Variants in SLC24A4 observed in about 807,000 individuals in gnomAD.
SLC24A4 encodes sodium/potassium/calcium exchanger 4.
A neutral mutation model predicts 79.0 loss-of-function variants in SLC24A4; 53 were observed. The ratio of observed to expected loss-of-function variants is 0.67; its 90% CI spans 0.54 to 0.84. SLC24A4 has a LOEUF of 0.84. Among genes scored for constraint, SLC24A4 ranks in the 40% least tolerant of loss-of-function variants. The pLI, the probability that SLC24A4 is intolerant of heterozygous loss-of-function variation, is 0.00. For missense variants in SLC24A4, 731 were observed against 822.0 expected, an observed-to-expected ratio of 0.89 and a Z score of 1.35; for synonymous variants, 323 against 323.8, an observed-to-expected ratio of 1.00 and a Z score of 0.03.
intron 2 of SLC24A4, among the ~76,000 whole-genome samples, chr14:92,384,974 G>A (rs1446069552): frequency 1.3e-5 from 2 of 152,216 alleles, no homozygotes; most frequent in African/African-American, 2.4e-5. Context: ...TCCTGTATCT[G>A]TAATGAAGGG....
chr14:92,421,504 A>AT (rs576716139), intron 2 of SLC24A4, among the ~76,000 whole-genome samples: 203 of 151,484 alleles, frequency 1.3e-3, no homozygotes, highest in Middle Eastern at 0.01. Context: ...ATACACCACG[A>AT]TTTTTTTGTT....
chr14:92,379,086 C>G (rs539392869), intron 2 of SLC24A4, among the ~76,000 whole-genome samples: 1 of 152,108 alleles, frequency 6.6e-6, no homozygotes, highest in African/African-American at 2.4e-5. Context: ...AGCTAGCTAG[C>G]TAGCTAGATA....
intron 2 of SLC24A4, among the ~76,000 whole-genome samples, chr14:92,332,048 G>A (rs1018832874): frequency 2.0e-5 from 3 of 152,138 alleles, no homozygotes; most frequent in Non-Finnish European, 4.4e-5. Flanking sequence ...AGAGGCTGAG[G>A]CAGGCAGATC....
At position 92,441,282 on chromosome 14, in the gene SLC24A4, C is replaced by T. The variant is rs1036683198; in HGVS notation, c.394-807C>T. On this transcript the variant is annotated intron_variant, in intron 4 of 16. Coordinates refer to ENST00000532405, the MANE Select transcript of SLC24A4 (RefSeq NM_153646.4). The surrounding 1 kb of genome is among the most constrained non-coding windows in gnomAD (Gnocchi z 4.6). ...TTTTCAGGCAGACCCTCAGTCTCCA[C>T]GGTTTCTCCAAACATCCAAAGCCTC... 3.3e-5 allele frequency among the ~76,000 whole-genome samples: 5 copies of T among 152,190 alleles called. No individual in the cohort carries two copies. Among genetic ancestry groups the T allele is most frequent in the African/African-American group, 1.2e-4 (5 of 41,434 alleles).
At chr14:92,422,125 G>A (rs1891318777) in intron 2 of SLC24A4, among the ~76,000 whole-genome samples, 1 of 152,226 alleles carries the variant, frequency 6.6e-6, no homozygotes, top group Admixed American at 6.5e-5. Flanking sequence ...CCCTGTAAGG[G>A]CAGGCACTTT....
intron 12 of SLC24A4, among the ~76,000 whole-genome samples, chr14:92,475,957 T>C (rs1360598523): frequency 3.9e-5 from 6 of 152,152 alleles, no homozygotes; most frequent in East Asian, 1.9e-4. Context: ...AAGCACTGTT[T>C]CTTAGGAAAC....
At chr14:92,482,106 G>T (rs919062584) in intron 12 of SLC24A4, among the ~76,000 whole-genome samples, 2 of 152,226 alleles carry the variant, frequency 1.3e-5, no homozygotes, top group African/African-American at 2.4e-5. Flanking sequence ...GGCCCCGTGT[G>T]CTGGGTGTTT....
rs528005769 is a variant in SLC24A4, at chr14:92,352,735, GT to G, written c.241+26760del. Among the ~76,000 whole-genome samples the G allele has an allele frequency of 1.6e-3, 246 of 152,332 alleles. 1 individual carries two copies. The highest frequency in any genetic ancestry group is 2.0e-3 in the Non-Finnish European group (135 of 68,034). ...GTGAGGGTGGTGGCTGATGTCGGAGGTTTGGTCCAGCTTAAATTAGAGCAAG... is the reference window on the plus strand; with the variant it reads ...GTGAGGGTGGTGGCTGATGTCGGAGGTTGGTCCAGCTTAAATTAGAGCAAG... On this transcript the variant is annotated intron_variant, in intron 2 of 16. Transcript: ENST00000532405.
At position 92,444,930 on chromosome 14, in the gene SLC24A4, CAT is replaced by C. The variant is rs1280084273; in HGVS notation, c.658-385_658-384del. Reference sequence around the variant, plus strand: ...CACACACACACCCTATATACACACACATACACACACACACACACACACACACA... The same window carrying C: ...CACACACACACCCTATATACACACACACACACACACACACACACACACACA... On this transcript the variant is annotated intron_variant, in intron 7 of 16. Transcript: ENST00000532405. Among the ~76,000 whole-genome samples, 31 of 70,268 alleles carry C rather than the reference CAT, an allele frequency of 4.4e-4. 1 individual carries two copies. The East Asian group carries it at 7.8e-3, about 18-fold the overall frequency. The allele number at this position is 70,268 out of a possible 152,430, so 46.1% of individuals were successfully genotyped here. A position where few individuals can be genotyped will look rare whatever the true frequency, so the allele number is the denominator to read the frequency against.
chr14:92,339,968 C>A (rs571135970), intron 2 of SLC24A4, among the ~76,000 whole-genome samples: 6 of 152,330 alleles, frequency 3.9e-5, no homozygotes, highest in Admixed American at 3.3e-4. Context: ...GAGGCAGGAT[C>A]TGTAGGTCTT....
chr14:92,451,036 C>T (rs1233734335), intron 10 of SLC24A4: 3 of 152,194 alleles, frequency 2.0e-5, no homozygotes, highest in African/African-American at 7.2e-5. Flanking sequence ...CTCTTTAAGT[C>T]CAGGACATTT....
chr14:92,460,543 A>C (rs1021452705), intron 12 of SLC24A4, among the ~76,000 whole-genome samples: 1 of 152,138 alleles, frequency 6.6e-6, no homozygotes, highest in African/African-American at 2.4e-5. Flanking sequence ...ATCGTGTACC[A>C]GGCACCTGTT....
chr14:92,361,050 C>T (rs74871579), intron 2 of SLC24A4, among the ~76,000 whole-genome samples: 1,650 of 152,264 alleles, frequency 0.011, 29 homozygotes, highest in African/African-American at 0.037. Flanking sequence ...ATCCTCTCAG[C>T]GAGCACCCGG....
chr14:92,449,304 A>G (rs1893001562), intron 10 of SLC24A4, 88 bp downstream of exon 10: 2 of 1,302,416 alleles, frequency 1.5e-6, no homozygotes, highest in Non-Finnish European at 2.1e-6. Context: ...ACACACACAC[A>G]CACACACACA....
intron 2 of SLC24A4, among the ~76,000 whole-genome samples, chr14:92,389,470 C>T (rs1239673331): frequency 6.6e-6 from 1 of 152,198 alleles, no homozygotes; most frequent in Non-Finnish European, 1.5e-5. Context: ...CCTTGTCAGC[C>T]AGGGGTCTGT....
At chr14:92,367,091 C>T (rs1371277818) in intron 2 of SLC24A4, among the ~76,000 whole-genome samples, 7 of 152,166 alleles carry the variant, frequency 4.6e-5, no homozygotes, top group Admixed American at 3.3e-4. Context: ...TCTTGGAGTC[C>T]TCATTCATCA....
chr14:92,422,290 A>ACCAC (rs1412315405), intron 2 of SLC24A4, among the ~76,000 whole-genome samples: 27 of 152,218 alleles, frequency 1.8e-4, no homozygotes, highest in Non-Finnish European at 7.3e-5. Context: ...GTGCCTCGCT[A>ACCAC]GTGGAGGTAA....
chr14:92,345,432 G>A (rs1279556353), intron 2 of SLC24A4, among the ~76,000 whole-genome samples: 1 of 152,136 alleles, frequency 6.6e-6, no homozygotes, highest in Non-Finnish European at 1.5e-5. Context: ...CAGGTGTAGT[G>A]GCTCATGCCT....
At chr14:92,477,770 CT>C (rs982236228) in intron 12 of SLC24A4, among the ~76,000 whole-genome samples, 11 of 134,708 alleles carry the variant, frequency 8.2e-5, no homozygotes, top group African/African-American at 3.0e-4. Context: ...TCCTTTTTTT[CT>C]TTTTTCTTTT....
Sources: gnomAD v4.1 joint callset for allele counts (sites outside exome capture counted in the v4.1 genomes callset) on GRCh38, gnomAD v4.1.1 for gene constraint, Gnocchi (gnomAD v3.1) non-coding constraint, MANE v1.5 for transcripts, NCBI Gene and HGNC (gene_info 2026-07-23, HGNC 2026-07-21) for gene names.